Variants in SPATS2L observed in about 807,000 individuals in gnomAD.
SPATS2L encodes spermatogenesis associated serine rich 2 like.
Under a neutral mutation model 59.6 loss-of-function variants are expected in SPATS2L, and 30 were observed. That is an observed-to-expected ratio of 0.50 (90% confidence interval 0.38 to 0.68). The LOEUF is 0.68. Among genes scored for constraint, SPATS2L ranks in the 30% least tolerant of loss-of-function variants. The probability of loss-of-function intolerance (pLI) is 0.00; values close to 1 mark genes in which losing one functional copy is unlikely to be tolerated. For missense variants in SPATS2L, 615 were observed against 700.0 expected (o/e 0.88, Z 1.37); for synonymous variants, 252 against 263.5 (o/e 0.96, Z 0.42).
At chr2:200,327,791 T>G (rs535145380) in intron 1 of SPATS2L, among the ~76,000 whole-genome samples, 1 of 152,324 alleles carries the variant, frequency 6.6e-6, no homozygotes, top group East Asian at 1.9e-4. Context: ...TGAGATGAAC[T>G]GATCTTTATA....
intron 1 of SPATS2L, among the ~76,000 whole-genome samples, chr2:200,323,596 C>G (rs1040327040): frequency 2.0e-5 from 3 of 152,128 alleles, no homozygotes; most frequent in African/African-American, 7.2e-5. Context: ...GCCCTGGAAA[C>G]CCCTGGTGCC....
chr2:200,324,979 A>G lies in SPATS2L; in HGVS notation c.-72-4452A>G, dbSNP rs564700959. Reference sequence around the variant, plus strand: ...AAATCAATATTTCTTGCTGTAGTCAAGGTACAGCAACATATATCCAAGGGC... The same window carrying G: ...AAATCAATATTTCTTGCTGTAGTCAGGGTACAGCAACATATATCCAAGGGC... On this transcript the variant is annotated intron_variant, in intron 1 of 12. Coordinates refer to ENST00000409140, the MANE Select transcript of SPATS2L (RefSeq NM_001100423.2). 5.3e-5 allele frequency among the ~76,000 whole-genome samples: 8 copies of G among 152,328 alleles called. No individual in the cohort carries two copies. In the South Asian group the frequency reaches 1.7e-3, roughly 32 times the overall value.
At chr2:200,425,232 G>T (rs2083499899) in intron 6 of SPATS2L, among the ~76,000 whole-genome samples, 5 of 148,386 alleles carry the variant, frequency 3.4e-5, no homozygotes, top group Non-Finnish European at 5.9e-5. Context: ...CCCACAGGTT[G>T]TTCAAGCAGA....
chr2:200,354,607 C>CAA (rs143187601), intron 2 of SPATS2L, among the ~76,000 whole-genome samples: 28 of 148,220 alleles, frequency 1.9e-4, no homozygotes, highest in African/African-American at 3.9e-4. Context: ...GACTCCGTCT[C>CAA]AAAAAAAAAG....
intron 2 of SPATS2L, among the ~76,000 whole-genome samples, chr2:200,347,102 TC>T (rs1267438687): frequency 6.6e-6 from 1 of 152,202 alleles, no homozygotes; most frequent in African/African-American, 2.4e-5. Context: ...ATGCCATTCT[TC>T]CTTTATATAT....
At chr2:200,376,489 AT>A (rs1222977977) in intron 2 of SPATS2L, among the ~76,000 whole-genome samples, 5 of 152,200 alleles carry the variant, frequency 3.3e-5, no homozygotes, top group African/African-American at 1.2e-4. Context: ...AGGTTTAGTA[AT>A]TTTTAGATTG....
chr2:200,385,226 T>C (rs1015767386), intron 2 of SPATS2L, among the ~76,000 whole-genome samples: 2 of 152,260 alleles, frequency 1.3e-5, no homozygotes, highest in Non-Finnish European at 2.9e-5. Flanking sequence ...TGTTACTCAC[T>C]GTAGGTCCTA....
At position 200,430,437 on chromosome 2, in the gene SPATS2L, GA is replaced by G. The variant is rs887099955; in HGVS notation, c.446-8675del. ...ATTTGAAAATTCAGTAAGGTTTGAG[GA>G]AAAAAAAAAGGAAACAATCCTGCCC... On this transcript the variant is annotated intron_variant, in intron 6 of 12. Transcript: ENST00000409140. Among the ~76,000 whole-genome samples the G allele has an allele frequency of 4.1e-3, 596 of 144,718 alleles. 6 individuals carry two copies. The highest frequency in any genetic ancestry group is 0.014 in the African/African-American group (566 of 39,628). 94.9% of individuals were successfully genotyped at this position (144,718 alleles called of 152,430 possible). A position where few individuals can be genotyped will look rare whatever the true frequency, so the allele number is the denominator to read the frequency against.
intron 6 of SPATS2L, among the ~76,000 whole-genome samples, chr2:200,420,590 G>A (rs772445635): frequency 1.3e-5 from 2 of 152,154 alleles, no homozygotes; most frequent in Non-Finnish European, 2.9e-5. Flanking sequence ...ATGGGTGTCA[G>A]CTCTAATATC....
intron 6 of SPATS2L, among the ~76,000 whole-genome samples, chr2:200,435,497 ACTCAT>A (rs1466511520): frequency 1.3e-5 from 2 of 152,122 alleles, no homozygotes; most frequent in Non-Finnish European, 2.9e-5. Flanking sequence ...ACAGCCAGAG[ACTCAT>A]ATCAAACGAG....
At chr2:200,342,350 A>T (rs1164208600) in intron 2 of SPATS2L, among the ~76,000 whole-genome samples, 1 of 152,216 alleles carries the variant, frequency 6.6e-6, no homozygotes, top group African/African-American at 2.4e-5. Context: ...GCTGCAGAAG[A>T]GTCAGCTGGG....
chr2:200,447,314 ACATACCCAGGTATGCCAGC>A (rs2085114646), intron 8 of SPATS2L, among the ~76,000 whole-genome samples: 1 of 152,212 alleles, frequency 6.6e-6, no homozygotes, highest in African/African-American at 2.4e-5. Context: ...GATGCCAGTG[ACATACCCAGGTATGCCAGC>A]CATTATGCTC....
intron 2 of SPATS2L, among the ~76,000 whole-genome samples, chr2:200,377,199 C>T (rs1268118001): frequency 6.6e-6 from 1 of 152,198 alleles, no homozygotes; most frequent in East Asian, 1.9e-4. Context: ...TGAGGAAACA[C>T]GGCCTAGATC....
chr2:200,459,866 C>G (rs1249158521), intron 9 of SPATS2L, 39 bp downstream of exon 9: 1 of 1,474,694 alleles, frequency 6.8e-7, no homozygotes, highest in Non-Finnish European at 9.4e-7. Context: ...TAGGAGCTTC[C>G]CAATCAGAAG....
chr2:200,411,010 C>CATACATATATATATATAT (rs1051776197), intron 3 of SPATS2L, among the ~76,000 whole-genome samples: 1 of 147,638 alleles, frequency 6.8e-6, no homozygotes, highest in African/African-American at 2.5e-5. Flanking sequence ...GACTCACACA[C>CATACATATATATATATAT]ATACATATAT....
At chr2:200,337,616 C>T (rs1347838166) in intron 2 of SPATS2L, among the ~76,000 whole-genome samples, 1 of 152,154 alleles carries the variant, frequency 6.6e-6, no homozygotes, top group African/African-American at 2.4e-5. Context: ...GAAAAGAGAA[C>T]TTGAAGAGGG....
chr2:200,415,316 T>A (rs2083018201), intron 4 of SPATS2L, among the ~76,000 whole-genome samples: 1 of 152,192 alleles, frequency 6.6e-6, no homozygotes, highest in Admixed American at 6.5e-5. Flanking sequence ...TATCTAACAG[T>A]GACAGTAGAC....
intron 3 of SPATS2L, among the ~76,000 whole-genome samples, chr2:200,395,609 A>G (rs531488969): frequency 2.6e-5 from 4 of 152,232 alleles, no homozygotes; most frequent in Non-Finnish European, 5.9e-5. Context: ...ATCAAGTACA[A>G]TAATAAATGT....
chr2:200,337,159 A>G (rs1445382832), intron 2 of SPATS2L, among the ~76,000 whole-genome samples: 4 of 152,236 alleles, frequency 2.6e-5, no homozygotes, highest in Non-Finnish European at 5.9e-5. Context: ...GTGCTAACCT[A>G]TGAAATGTTA....
Sources: gnomAD v4.1 joint callset for allele counts (sites outside exome capture counted in the v4.1 genomes callset) on GRCh38, gnomAD v4.1.1 for gene constraint, MANE v1.5 for transcripts, NCBI Gene and HGNC (gene_info 2026-07-23, HGNC 2026-07-21) for gene names.